MYL9: variants seen among roughly 807,000 people sequenced by gnomAD.
MYL9 encodes the protein myosin light chain 9.
Under a neutral mutation model 12.8 loss-of-function variants are expected in MYL9, and 7 were observed. That is an observed-to-expected ratio of 0.55 (90% confidence interval 0.31 to 1.03). MYL9 has a LOEUF of 1.03. Ranked by LOEUF, MYL9 falls within the 50% of genes least tolerant of loss-of-function variation. MYL9 has a pLI of 0.05. For synonymous variants in MYL9, 81 were observed against 87.8 expected, an observed-to-expected ratio of 0.92 and a Z score of 0.43; for missense variants, 190 against 242.7, an observed-to-expected ratio of 0.78 and a Z score of 1.44.
intron 3 of MYL9, 107 bp from the exon 4 acceptor site, chr20:36,548,970 C>T: frequency 8.6e-7 from 1 of 1,158,710 alleles, no homozygotes; most frequent in Non-Finnish European, 1.2e-6. Flanking sequence ...ATTGTATCTT[C>T]CCAGCCCCTC....
chr20:36,544,586 C>T (rs1759459871), intron 1 of MYL9, among the ~76,000 whole-genome samples: 1 of 152,336 alleles, frequency 6.6e-6, no homozygotes, highest in East Asian at 1.9e-4. Flanking sequence ...GTTCCAGGAG[C>T]TCTCGGGCAC....
intron 2 of MYL9, among the ~76,000 whole-genome samples, chr20:36,546,759 G>A (rs1169864680): frequency 3.3e-5 from 5 of 152,042 alleles, no homozygotes; most frequent in East Asian, 3.9e-4. Context: ...ACAGACGTGC[G>A]CCACCATGCC....
intron 1 of MYL9, among the ~76,000 whole-genome samples, chr20:36,543,517 G>A (rs967734735): frequency 5.9e-5 from 9 of 152,228 alleles, no homozygotes; most frequent in Non-Finnish European, 1.0e-4. Flanking sequence ...TGCCCCAGCC[G>A]AGGGAAGGAG....
chr20:36,547,770 G>C (rs918843546), intron 2 of MYL9, among the ~76,000 whole-genome samples: 3 of 152,252 alleles, frequency 2.0e-5, no homozygotes, highest in Admixed American at 6.5e-5. Context: ...GCAGTCTGCA[G>C]AGGGTTGTTC....
intron 1 of MYL9, among the ~76,000 whole-genome samples, chr20:36,541,936 C>T (rs1047582971): frequency 6.6e-6 from 1 of 152,056 alleles, no homozygotes; most frequent in African/African-American, 2.4e-5. Flanking sequence ...GGGTTGCAGT[C>T]GTCAGTTCCC....
At chr20:36,548,730 T>C (rs1404209930) in intron 3 of MYL9, among the ~76,000 whole-genome samples, 1 of 152,184 alleles carries the variant, frequency 6.6e-6, no homozygotes, top group Non-Finnish European at 1.5e-5. Flanking sequence ...GAATCAGCAC[T>C]GCAACTCAGG....
intron 1 of MYL9, among the ~76,000 whole-genome samples, chr20:36,544,109 G>A (rs2038067033): frequency 6.6e-6 from 1 of 152,178 alleles, no homozygotes; most frequent in African/African-American, 2.4e-5. Context: ...CCAGGTCTAA[G>A]CAAGGGTGAA....
chr20:36,548,279 G>C, intron 3 of MYL9, 86 bp downstream of exon 3: 2 of 1,464,644 alleles, frequency 1.4e-6, no homozygotes, highest in Non-Finnish European at 9.1e-7. Flanking sequence ...GGCCAGAACA[G>C]ACATCACCCA....
Position 36,549,173 on chromosome 20 carries a change from T to G in MYL9, c.443T>G (p.Ile148Ser). ...EVDEMYREAP[I>S]DKKGNFNYVE... ...GACGAGATGTACCGGGAGGCACCCATTGATAAGAAAGGCAACTTCAACTAC... is the reference window on the plus strand; with the variant it reads ...GACGAGATGTACCGGGAGGCACCCAGTGATAAGAAAGGCAACTTCAACTAC... Residue 148 changes from isoleucine (I) to serine (S), a missense_variant, in exon 4 of 4, where the codon ATT becomes AGT. Coordinates refer to ENST00000279022, the MANE Select transcript of MYL9 (RefSeq NM_006097.5). 1 of 1,614,020 alleles carries G rather than the reference T, an allele frequency of 6.2e-7. No individual in the cohort carries two copies. Among genetic ancestry groups the G allele is most frequent in the Non-Finnish European group, 8.5e-7 (1 of 1,180,016 alleles).
intron 2 of MYL9, among the ~76,000 whole-genome samples, chr20:36,545,413 C>A (rs11906682): frequency 1.3e-5 from 2 of 149,106 alleles, no homozygotes; most frequent in Non-Finnish European, 3.0e-5. Flanking sequence ...AGGAGAATGG[C>A]GTGAACCCGG....
chr20:36,548,225 G>A, intron 3 of MYL9, 32 bp downstream of exon 3: 1 of 1,581,388 alleles, frequency 6.3e-7, no homozygotes, highest in Non-Finnish European at 8.6e-7. Context: ...CACTCTGCAT[G>A]CAAGTGGAAC....
At chr20:36,546,793 A>G (rs1323015204) in intron 2 of MYL9, among the ~76,000 whole-genome samples, 1 of 152,130 alleles carries the variant, frequency 6.6e-6, no homozygotes, top group Non-Finnish European at 1.5e-5. Flanking sequence ...TATTTTTAGT[A>G]GAGACAGGGT....
At position 36,544,978 on chromosome 20, in the gene MYL9, C is replaced by A. The variant is rs777440451; in HGVS notation, c.94C>A (p.Gln32Lys). 17 of 1,613,938 alleles carry A rather than the reference C, an allele frequency of 1.1e-5. No individual in the cohort carries two copies. In the East Asian group the frequency reaches 3.6e-4, roughly 34 times the overall value. ...VFAMFDQSQI[Q>K]EFKEAFNMID... ...CGCAATGTTTGACCAGTCCCAGATC[C>A]AGGAGTTTAAGGAGGCTTTCAACAT... is the stretch of plus-strand genomic sequence containing the variant. Residue 32 changes from glutamine (Q) to lysine (K), a missense_variant, in exon 2 of 4, where the codon CAG (glutamine) becomes AAG (lysine). Physicochemically the swap from Gln to Lys is moderately conservative, Grantham distance 53. Transcript: ENST00000279022.
At position 36,548,043 on chromosome 20, in the gene MYL9, A is replaced by G. The variant is rs770191632; in HGVS notation, c.196A>G (p.Thr66Ala). ...CCCACCTGCCACAGGGAAGAACCCC[A>G]CAGACGAATACCTGGAGGGCATGAT... ...DMLASLGKNP[T>A]DEYLEGMMSE... The change falls in exon 3 of 4, where the codon ACA (threonine) becomes GCA (alanine). Residue 66 changes from threonine to alanine, a missense_variant. Transcript: ENST00000279022. 3 of 1,610,328 alleles carry G rather than the reference A, an allele frequency of 1.9e-6. No individual in the cohort carries two copies. Among genetic ancestry groups the G allele is most frequent in the Non-Finnish European group, 2.5e-6 (3 of 1,177,748 alleles).
chr20:36,549,250 G>A lies in MYL9; in HGVS notation c.*1G>A, dbSNP rs1195801129. The A allele has an allele frequency of 1.2e-6, 2 of 1,609,346 alleles. No individual in the cohort carries two copies. Among genetic ancestry groups the A allele is most frequent in the Non-Finnish European group, 1.7e-6 (2 of 1,178,406 alleles). ...TGGCGCCAAGGATAAAGACGACTAG[G>A]CCACCCCAGCCCCCTGACACCCCAG... On this transcript the variant is annotated 3_prime_UTR_variant, in exon 4 of 4. Coordinates refer to ENST00000279022, the MANE Select transcript of MYL9 (RefSeq NM_006097.5).
chr20:36,547,856 C>T (rs761261046), intron 2 of MYL9, among the ~76,000 whole-genome samples, 176 bp from the exon 3 acceptor site: 3 of 152,190 alleles, frequency 2.0e-5, no homozygotes, highest in African/African-American at 7.2e-5. Context: ...CAGCCAGGGA[C>T]TCCGGGCGCC....
chr20:36,548,141 C>T lies in MYL9; in HGVS notation c.294C>T (p.Asp98=), dbSNP rs766167792. 10 of 1,613,986 alleles carry T rather than the reference C, an allele frequency of 6.2e-6. No homozygotes were observed. The South Asian group carries it at 1.1e-4, about 18-fold the overall frequency. The change falls in exon 3 of 4, where the codon GAC becomes GAT. Residue 98 remains aspartate (D), a synonymous_variant. Transcript: ENST00000279022. ...TMFGEKLNGT[D]PEDVIRNAFA... is the part of the protein sequence containing the mutation. ...TTGGGGAGAAGCTGAACGGCACGGA[C>T]CCCGAGGATGTGATTCGCAACGCCT...
rs1444906745 is a variant in MYL9, at chr20:36,549,392, G to A, written c.*143G>A. ...GTCCCAGTTCCCAGTGGAAGAAACA[G>A]GCCAGGAGAAGTGCGTGCCGAGCTG... On this transcript the variant is annotated 3_prime_UTR_variant, in exon 4 of 4. Coordinates refer to ENST00000279022, the MANE Select transcript of MYL9 (RefSeq NM_006097.5). 1 of 745,866 alleles carries A rather than the reference G, an allele frequency of 1.3e-6. No homozygotes were observed. Among genetic ancestry groups the A allele is most frequent in the Non-Finnish European group, 2.2e-6 (1 of 462,302 alleles). The allele number at this position is 745,866 out of a possible 1,614,324, so 46.2% of individuals were successfully genotyped here. A position where few individuals can be genotyped will look rare whatever the true frequency, so the allele number is the denominator to read the frequency against.
In MYL9 at chr20:36,549,469, C is replaced by A; in HGVS notation, c.*220C>A. On this transcript the variant is annotated 3_prime_UTR_variant, in exon 4 of 4. Coordinates refer to ENST00000279022, the MANE Select transcript of MYL9 (RefSeq NM_006097.5). ...GAGCCCTGGGCTATAGTCTCTGACC[C>A]CTCCAAGGAAAGACCACCTTCTGGG... The A allele has an allele frequency of 2.0e-6, 1 of 508,852 alleles. No homozygotes were observed. The highest frequency in any genetic ancestry group is 3.5e-6 in the Non-Finnish European group (1 of 284,432). The allele number at this position is 508,852 out of a possible 1,614,324, so 31.5% of individuals were successfully genotyped here. A position where few individuals can be genotyped will look rare whatever the true frequency, so the allele number is the denominator to read the frequency against.
Sources: allele counts gnomAD v4.1 joint callset (sites outside exome capture counted in the v4.1 genomes callset), GRCh38; gene constraint gnomAD v4.1.1; transcripts MANE v1.5; gene names NCBI Gene and HGNC (gene_info 2026-07-23, HGNC 2026-07-21).